The following PTPRE variants were observed in gnomAD, a reference collection of about 807,000 sequenced individuals.
PTPRE encodes the protein protein tyrosine phosphatase receptor type E, also known as receptor-type tyrosine-protein phosphatase epsilon.
In PTPRE, 51 loss-of-function variants were observed where a neutral mutation model predicts 102.0. The observed-to-expected ratio is 0.50, with a 90% CI of 0.40 to 0.63. The LOEUF (loss-of-function observed/expected upper bound fraction) is 0.63, where lower values mean the gene tolerates loss of function less well. Ranked by LOEUF, PTPRE falls within the 30% of genes least tolerant of loss-of-function variation. The pLI is 0.00. For synonymous variants in PTPRE, 345 were observed against 348.2 expected, an observed-to-expected ratio of 0.99 and a Z score of 0.10; for missense variants, 752 against 915.1, an observed-to-expected ratio of 0.82 and a Z score of 2.30.
In PTPRE at chr10:128,008,649, G is replaced by A. The variant is rs1018941919; in HGVS notation, c.-8+26353G>A. On this transcript the variant is annotated intron_variant, in intron 2 of 20. Transcript: ENST00000254667. This position sits in a 1 kb window ranked among gnomAD's most constrained non-coding sequence, Gnocchi z 4.0. ...ACCTGGTCTTTCTCAACTCCTGCAA[G>A]TCACGTCTTCCCAGAATCTACTGTG... is the stretch of plus-strand genomic sequence containing the variant. 2.6e-5 allele frequency among the ~76,000 whole-genome samples: 4 copies of A among 152,190 alleles called. No homozygotes were observed. The highest frequency in any genetic ancestry group is 9.7e-5 in the African/African-American group (4 of 41,450).
rs747243013 is a variant in PTPRE at position 128,068,184 on chromosome 10, C to T, written c.905C>T (p.Pro302Leu). 3.7e-6 allele frequency: 6 copies of T among 1,614,154 alleles called. No individual in the cohort carries two copies. The highest frequency in any genetic ancestry group is 5.1e-6 in the Non-Finnish European group (6 of 1,179,988). ...TCACAGCTGCACTTCACCAGCTGGC[C>T]CGACTTCGGAGTGCCTTTTACCCCC... ...LVSQLHFTSW[P>L]DFGVPFTPIG... The change falls in exon 12 of 21, where the codon CCC (proline) becomes CTC (leucine). Residue 302 changes from proline to leucine, a missense_variant. Physicochemically the swap from Pro to Leu is moderately conservative, Grantham distance 98. Around this residue, in one of 2 missense-constraint regions of PTPRE, gnomAD observed 636 missense variants for 824.4 expected, o/e 0.77. Transcript: ENST00000254667.
intron 3 of PTPRE, among the ~76,000 whole-genome samples, chr10:128,043,632 G>A (rs1298268671): frequency 6.6e-6 from 1 of 152,232 alleles, no homozygotes; most frequent in Non-Finnish European, 1.5e-5. Context: ...AGGCGTACAG[G>A]CTAACACAGA....
At chr10:127,991,776 G>C (rs574376430) in intron 2 of PTPRE, among the ~76,000 whole-genome samples, 1 of 152,106 alleles carries the variant, frequency 6.6e-6, no homozygotes, top group Non-Finnish European at 1.5e-5. Context: ...GCCTCTGTCC[G>C]TCCAGCAGGG....
intron 1 of PTPRE, among the ~76,000 whole-genome samples, chr10:127,969,002 T>A (rs990097007): frequency 6.6e-6 from 1 of 152,252 alleles, no homozygotes; most frequent in African/African-American, 2.4e-5. Context: ...TAAGACAACT[T>A]TATTTTGCAA....
At chr10:127,943,302 A>G (rs1230409142) in intron 1 of PTPRE, among the ~76,000 whole-genome samples, 1 of 152,084 alleles carries the variant, frequency 6.6e-6, no homozygotes, top group Admixed American at 6.6e-5. Flanking sequence ...TTTATAAGGA[A>G]CCCCCAAACT....
intron 1 of PTPRE, among the ~76,000 whole-genome samples, chr10:127,939,430 T>C (rs1848061531): frequency 6.6e-6 from 1 of 152,202 alleles, no homozygotes; most frequent in African/African-American, 2.4e-5. Flanking sequence ...GGATCTCACA[T>C]TTTAAGTCTA....
intron 3 of PTPRE, among the ~76,000 whole-genome samples, chr10:128,045,281 G>A (rs964726861): frequency 8.5e-5 from 13 of 152,350 alleles, no homozygotes; most frequent in South Asian, 2.1e-4. Context: ...GTCTGTGACC[G>A]CAGCCTTCAC....
chr10:127,935,154 TG>T (rs1847754313), intron 1 of PTPRE, among the ~76,000 whole-genome samples: 1 of 152,198 alleles, frequency 6.6e-6, no homozygotes, highest in African/African-American at 2.4e-5. Flanking sequence ...CCTCTGAGTC[TG>T]TCGGGTGTGG....
chr10:127,917,014 A>AG (rs1190796130), intron 1 of PTPRE, among the ~76,000 whole-genome samples: 3 of 151,926 alleles, frequency 2.0e-5, no homozygotes, highest in Non-Finnish European at 4.4e-5. Context: ...GAGTTTGAGA[A>AG]GGGGTCCCCT....
At chr10:127,914,776 A>G (rs1846095862) in intron 1 of PTPRE, among the ~76,000 whole-genome samples, 1 of 152,128 alleles carries the variant, frequency 6.6e-6, no homozygotes, top group African/African-American at 2.4e-5. Flanking sequence ...TTATCTTCCA[A>G]TCTTGTCAAC....
At chr10:127,923,295 G>A (rs897108140) in intron 1 of PTPRE, among the ~76,000 whole-genome samples, 1 of 152,164 alleles carries the variant, frequency 6.6e-6, no homozygotes, top group Non-Finnish European at 1.5e-5. Context: ...CCCTGACCTG[G>A]CCCCAGGAGT....
At chr10:128,051,771 T>C (rs1165890321) in intron 6 of PTPRE, among the ~76,000 whole-genome samples, 2 of 152,156 alleles carry the variant, frequency 1.3e-5, no homozygotes, top group African/African-American at 2.4e-5. Context: ...AGAGACGCGG[T>C]GGAGGGGAAG....
rs774650662 is a variant in PTPRE at position 128,085,367 on chromosome 10, T to C, written c.*2461T>C. On this transcript the variant is annotated 3_prime_UTR_variant, in exon 21 of 21. Coordinates refer to ENST00000254667, the MANE Select transcript of PTPRE (RefSeq NM_006504.6). ...AGCCCAGTGCCGACACCATTGTTCC[T>C]TTCACACTTTCCTTTGTTGCATGCA... The C allele has an allele frequency of 7.3e-5, 18 of 246,670 alleles. No homozygotes were observed. The highest frequency in any genetic ancestry group is 1.3e-4 in the Non-Finnish European group (15 of 118,696). The allele number at this position is 246,670 out of a possible 1,614,324, so 15.3% of individuals were successfully genotyped here.
chr10:127,941,520 G>A (rs1848244375), intron 1 of PTPRE, among the ~76,000 whole-genome samples: 1 of 152,214 alleles, frequency 6.6e-6, no homozygotes, highest in Non-Finnish European at 1.5e-5. Flanking sequence ...CACGTCTTCT[G>A]ATTTTTCAAG....
intron 1 of PTPRE, among the ~76,000 whole-genome samples, chr10:127,937,966 T>C (rs1847953133): frequency 6.6e-6 from 1 of 152,142 alleles, no homozygotes; most frequent in Non-Finnish European, 1.5e-5. Flanking sequence ...CATAAAGGTG[T>C]AAGAATAATT....
At chr10:128,059,200 T>C (rs1017440459) in intron 7 of PTPRE, among the ~76,000 whole-genome samples, 1 of 152,234 alleles carries the variant, frequency 6.6e-6, no homozygotes, top group Non-Finnish European at 1.5e-5. Flanking sequence ...ACTAGTGTTA[T>C]ATGTGTTCAG....
intron 1 of PTPRE, among the ~76,000 whole-genome samples, chr10:127,942,410 G>A (rs1848315058): frequency 6.6e-6 from 1 of 152,204 alleles, no homozygotes; most frequent in Non-Finnish European, 1.5e-5. Flanking sequence ...AACTAACAAA[G>A]CTATGCCTTT....
rs1305721503 is a variant in PTPRE at position 128,030,317 on chromosome 10, T to C, written c.-7-10558T>C. ...ACTCATTTATGATTTCGTGGGATTCTCTTGTTTCACTCATTGGGAAGCAGG... is the reference window on the plus strand; with the variant it reads ...ACTCATTTATGATTTCGTGGGATTCCCTTGTTTCACTCATTGGGAAGCAGG... On this transcript the variant is annotated intron_variant, in intron 2 of 20. Coordinates refer to ENST00000254667, the MANE Select transcript of PTPRE (RefSeq NM_006504.6). 3.3e-5 allele frequency among the ~76,000 whole-genome samples: 5 copies of C among 152,348 alleles called. No individual in the cohort carries two copies. In the East Asian group the frequency reaches 9.7e-4, roughly 29 times the overall value.
chr10:128,053,706 A>C (rs1188040706), intron 6 of PTPRE, among the ~76,000 whole-genome samples: 59 of 152,202 alleles, frequency 3.9e-4, no homozygotes, highest in Admixed American at 3.7e-3. Flanking sequence ...AGCTTGGTCC[A>C]TCCTCGCCAT....
Sources: allele counts gnomAD v4.1 joint callset (sites outside exome capture counted in the v4.1 genomes callset), GRCh38; gene constraint gnomAD v4.1.1; regional missense constraint gnomAD v4.1.1; non-coding constraint Gnocchi (gnomAD v3.1); transcripts MANE v1.5; gene names NCBI Gene and HGNC (gene_info 2026-07-23, HGNC 2026-07-21).